Variants in COMMD5 observed in about 807,000 individuals in gnomAD.
COMMD5 encodes the protein COMM domain containing 5, also known as COMM domain-containing protein 5.
In COMMD5, 10 loss-of-function variants were observed where a neutral mutation model predicts 6.9. The ratio of observed to expected loss-of-function variants is 1.44; its 90% CI spans 0.89 to 2.45. COMMD5 has a LOEUF of 2.45. Ranked by LOEUF, COMMD5 falls within the 30% of genes most tolerant of loss-of-function variation. The pLI is 0.00. For synonymous variants in COMMD5, 127 were observed against 125.3 expected (o/e 1.01, Z -0.09); for missense variants, 234 against 287.8 (o/e 0.81, Z 1.35).
intron 1 of COMMD5, chr8:144,842,436 C>T (rs1830061244): frequency 1.2e-6 from 2 of 1,613,866 alleles, no homozygotes; most frequent in South Asian, 2.2e-5. Context: ...CTTATAAATG[C>T]AACAAGTGTA....
At chr8:144,838,960 A>AGCAGGGGCTGTGATCTTACTTCCATTCAT (rs1829464102), downstream of COMMD5, 3 of 151,546 alleles carry the variant, frequency 2.0e-5, no homozygotes, top group Non-Finnish European at 2.9e-5. Context: ...AAAAAAAAAA[A>AGCAGGGGCTGTGATCTTACTTCCATTCAT]AAGCAGGGGC....
intron 1 of COMMD5, chr8:144,842,670 A>G (rs1006602328): frequency 1.2e-6 from 2 of 1,614,054 alleles, no homozygotes; most frequent in African/African-American, 2.7e-5. Context: ...TCCATAAAGG[A>G]GAGAAGCCCT....
downstream of COMMD5, among the ~76,000 whole-genome samples, chr8:144,839,098 T>C (rs1335040791): frequency 3.7e-3 from 6 of 1,638 alleles, no homozygotes; most frequent in African/African-American, 0.012. Flanking sequence ...TCCATTCATA[T>C]GCGCCTAGGG....
chr8:144,852,739 GGGGGCGCGGCGTCGCCCGTTCC>G (rs892109731), intron 1 of COMMD5, 78 bp downstream of exon 1: 25 of 152,378 alleles, frequency 1.6e-4, no homozygotes, highest in East Asian at 7.7e-4. Flanking sequence ...CGGCTCTGAT[GGGGGCGCGGCGTCGCCCGTTCC>G]GGGGCGCGGG....
At chr8:144,844,538 G>A (rs1241176423) in intron 1 of COMMD5, among the ~76,000 whole-genome samples, 6 of 151,964 alleles carry the variant, frequency 3.9e-5, no homozygotes, top group South Asian at 2.1e-4. Context: ...GTGAAACCCC[G>A]TGTCTACTAA....
intron 1 of COMMD5, 108 bp from the exon 2 acceptor site, chr8:144,851,503 A>G: frequency 1.3e-6 from 1 of 767,966 alleles, no homozygotes; most frequent in Non-Finnish European, 2.1e-6. Flanking sequence ...GTGAACTACC[A>G]ATGACAGTCA....
chr8:144,842,041 G>A, intron 1 of COMMD5: 1 of 1,614,144 alleles, frequency 6.2e-7, no homozygotes, highest in Non-Finnish European at 8.5e-7. Flanking sequence ...TGAGGAATGT[G>A]GAAAAGCTTT....
chr8:144,842,730 A>C lies in COMMD5; in HGVS notation c.*117-987T>G, dbSNP rs763990746. On this transcript the variant is annotated intron_variant and NMD_transcript_variant, in intron 1 of 1. Coordinates refer to the COMMD5 transcript ENST00000530332. ...CCTTCAGTATGAGCACACAGCTTACAATACATCAAAGGGTTCACACTGGAG... is the reference window on the plus strand; with the variant it reads ...CCTTCAGTATGAGCACACAGCTTACCATACATCAAAGGGTTCACACTGGAG... 1.9e-6 allele frequency: 3 copies of C among 1,613,874 alleles called. No individual in the cohort carries two copies. In the African/African-American group the frequency reaches 4.0e-5, roughly 22 times the overall value.
chr8:144,843,929 TAACCC>T (rs1332008527), intron 1 of COMMD5, among the ~76,000 whole-genome samples: 1 of 152,172 alleles, frequency 6.6e-6, no homozygotes, highest in African/African-American at 2.4e-5. Context: ...TCTTAGAACT[TAACCC>T]AGCCACCCAG....
chr8:144,852,597 C>G (rs1830796342), intron 1 of COMMD5: 1 of 152,476 alleles, frequency 6.6e-6, no homozygotes, highest in South Asian at 2.1e-4. Flanking sequence ...CACCCACTGC[C>G]AACTCCTTCA....
At chr8:144,847,424 CAG>C (rs1294715922), downstream of COMMD5, 4 of 152,162 alleles carry the variant, frequency 2.6e-5, no homozygotes, top group Non-Finnish European at 5.9e-5. Context: ...GCCTGGGTGA[CAG>C]AGTGAGGCCC....
intron 1 of COMMD5, chr8:144,842,148 G>A (rs769607840): frequency 9.9e-6 from 16 of 1,613,278 alleles, no homozygotes; most frequent in Admixed American, 1.7e-5. Context: ...GCCAGCAGTC[G>A]CAGCTGGTTA....
At chr8:144,845,000 G>A (rs1830434248) in intron 1 of COMMD5, among the ~76,000 whole-genome samples, 1 of 152,120 alleles carries the variant, frequency 6.6e-6, no homozygotes, top group South Asian at 2.1e-4. Context: ...GCAGACCACA[G>A]GGTGAAAGGA....
At chr8:144,843,603 A>G (rs2130739333) in intron 1 of COMMD5, 1 of 153,000 alleles carries the variant, frequency 6.5e-6, no homozygotes, top group South Asian at 2.1e-4. Flanking sequence ...AAAAAAAAAA[A>G]AAAAAAATCC....
exon 2 of COMMD5, chr8:144,841,510 C>CA: frequency 6.2e-7 from 1 of 1,614,194 alleles, no homozygotes; most frequent in Non-Finnish European, 8.5e-7. Flanking sequence ...GTTAGACAGT[C>CA]ATCTGGGCAG....
intron 1 of COMMD5, chr8:144,843,393 T>G (rs544643747): frequency 4.4e-5 from 20 of 456,910 alleles, no homozygotes; most frequent in Non-Finnish European, 5.6e-5. Flanking sequence ...GTTGAGACCA[T>G]CCTGGGTAAC....
intron 1 of COMMD5, 111 bp from the exon 2 acceptor site, chr8:144,851,506 G>A (rs1830744374): frequency 1.3e-6 from 1 of 760,146 alleles, no homozygotes; most frequent in Non-Finnish European, 2.1e-6. Flanking sequence ...AACTACCAAT[G>A]ACAGTCAGTG....
chr8:144,843,354 C>T (rs931063234), intron 1 of COMMD5: 26 of 636,366 alleles, frequency 4.1e-5, no homozygotes, highest in East Asian at 1.5e-4. Context: ...CTTTGGGAGG[C>T]CAAGGCGGGC....
Position 144,850,617 on chromosome 8 carries a change from A to G in COMMD5, c.*47T>C, listed in dbSNP as rs2130775415. On this transcript the variant is annotated 3_prime_UTR_variant, in exon 2 of 2. Transcript: ENST00000305103. This position sits in a 1 kb window ranked among gnomAD's most constrained non-coding sequence, Gnocchi z 4.0. ...GTCAGCTGCACTTTGGCACCATCTC[A>G]GGTGCCTGTCCAAGCCGGATCTGAA... 1 of 1,570,532 alleles carries G rather than the reference A, an allele frequency of 6.4e-7. No homozygotes were observed.
Sources: gnomAD v4.1 joint callset for allele counts (sites outside exome capture counted in the v4.1 genomes callset) on GRCh38, gnomAD v4.1.1 for gene constraint, Gnocchi (gnomAD v3.1) non-coding constraint, MANE v1.5 for transcripts, NCBI Gene and HGNC (gene_info 2026-07-23, HGNC 2026-07-21) for gene names.